The following GALNT13 variants were observed in gnomAD, a reference collection of about 807,000 sequenced individuals.
GALNT13 encodes the protein polypeptide N-acetylgalactosaminyltransferase 13, also known as UDP-GalNAc:polypeptide N-acetylgalactosaminyltransferase 13.
GALNT13 carries 28 observed loss-of-function variants against 64.2 expected under a neutral mutation model. The ratio of observed to expected loss-of-function variants is 0.44; its 90% confidence interval spans 0.32 to 0.60. GALNT13 has a LOEUF of 0.60. Among genes scored for constraint, GALNT13 ranks in the 20% least tolerant of loss-of-function variants. The pLI, the probability that GALNT13 is intolerant of heterozygous loss-of-function variation, is 0.05. For synonymous variants in GALNT13, 214 were observed against 224.6 expected (o/e 0.95, Z 0.42); for missense variants, 577 against 669.8 (o/e 0.86, Z 1.53).
chr2:153,555,852 A>G, the GALNT13 span, among the ~76,000 whole-genome samples: 2 of 152,236 alleles, frequency 1.3e-5, no homozygotes, highest in Non-Finnish European at 2.9e-5. Context: ...ATGACATTAC[A>G]GAAGATTATA....
chr2:153,481,502 C>T, the GALNT13 span, among the ~76,000 whole-genome samples: 1 of 152,098 alleles, frequency 6.6e-6, no homozygotes, highest in Non-Finnish European at 1.5e-5. Context: ...ATATGGTATG[C>T]AGGGAGCATA....
At chr2:153,154,393 T>A in the GALNT13 span, among the ~76,000 whole-genome samples, 3 of 152,114 alleles carry the variant, frequency 2.0e-5, no homozygotes, top group Non-Finnish European at 4.4e-5. Context: ...GTCCATTAAG[T>A]CTCTTTTTCT....
the GALNT13 span, among the ~76,000 whole-genome samples, chr2:153,387,197 G>A: frequency 6.6e-6 from 1 of 152,118 alleles, no homozygotes; most frequent in Admixed American, 6.6e-5. Context: ...GCAAAGTGAT[G>A]TGAAACTCTA....
intron 2 of GALNT13, among the ~76,000 whole-genome samples, chr2:153,927,183 G>A (rs1458983298): frequency 6.6e-6 from 1 of 151,878 alleles, no homozygotes; most frequent in South Asian, 2.1e-4. Flanking sequence ...TTCCAAAAAT[G>A]TTTTTACCAA....
intron 3 of GALNT13, among the ~76,000 whole-genome samples, chr2:154,115,490 A>T (rs1005553587): frequency 3.3e-5 from 5 of 151,888 alleles, no homozygotes; most frequent in African/African-American, 9.7e-5. Context: ...GCACAATCCC[A>T]GCTCACTGCA....
At chr2:153,995,350 T>A (rs1695451323) in intron 3 of GALNT13, among the ~76,000 whole-genome samples, 1 of 152,140 alleles carries the variant, frequency 6.6e-6, no homozygotes, top group Non-Finnish European at 1.5e-5. Context: ...CTACACTCAG[T>A]GCTGTGTTAT....
chr2:153,659,685 C>T, the GALNT13 span, among the ~76,000 whole-genome samples: 117 of 152,244 alleles, frequency 7.7e-4, 1 homozygote, highest in African/African-American at 2.6e-3. Flanking sequence ...CAGTTGCAAT[C>T]ACATGCAAAG....
At chr2:154,371,665 G>C (rs940205879) in intron 9 of GALNT13, among the ~76,000 whole-genome samples, 1 of 151,864 alleles carries the variant, frequency 6.6e-6, no homozygotes, top group African/African-American at 2.4e-5. Flanking sequence ...ACAAGGGTAG[G>C]CATTTTCGTT....
At chr2:153,237,467 A>G in the GALNT13 span, among the ~76,000 whole-genome samples, 1 of 151,920 alleles carries the variant, frequency 6.6e-6, no homozygotes, top group Non-Finnish European at 1.5e-5. Context: ...TGTACCCATT[A>G]GCCATCCCCA....
At chr2:154,454,107 T>C (rs913395038), downstream of GALNT13, among the ~76,000 whole-genome samples, 4 of 152,272 alleles carry the variant, frequency 2.6e-5, no homozygotes, top group Non-Finnish European at 5.9e-5. Context: ...TTTTCATGAT[T>C]TCTTAAGAAC....
chr2:153,398,481 C>G, the GALNT13 span, among the ~76,000 whole-genome samples: 1 of 151,708 alleles, frequency 6.6e-6, no homozygotes, highest in Non-Finnish European at 1.5e-5. Flanking sequence ...TGTTCTAGAT[C>G]CCTGAGGAAT....
the GALNT13 span, among the ~76,000 whole-genome samples, chr2:153,521,461 C>T: frequency 6.6e-6 from 1 of 152,316 alleles, no homozygotes; most frequent in East Asian, 1.9e-4. Flanking sequence ...CTTCCGTCTA[C>T]ACATGCACAG....
At chr2:153,832,144 G>T in the GALNT13 span, among the ~76,000 whole-genome samples, 13 of 152,194 alleles carry the variant, frequency 8.5e-5, no homozygotes, top group African/African-American at 3.1e-4. Flanking sequence ...AGTCTACCTG[G>T]TTCCATCAAT....
At chr2:154,263,098 G>GA (rs1382181855) in intron 8 of GALNT13, among the ~76,000 whole-genome samples, 1 of 151,996 alleles carries the variant, frequency 6.6e-6, no homozygotes, top group Non-Finnish European at 1.5e-5. Context: ...CAGAGCATGG[G>GA]AAAAAATAAA....
the GALNT13 span, among the ~76,000 whole-genome samples, chr2:153,483,675 C>G: frequency 1.3e-5 from 2 of 152,082 alleles, no homozygotes; most frequent in Admixed American, 1.3e-4. Context: ...CTTGGCCTCC[C>G]AAAGAGCTGG....
Position 154,052,788 on chromosome 2 carries a change from G to A in GALNT13, c.143-87549G>A, listed in dbSNP as rs556251546. Among the ~76,000 whole-genome samples, 34 of 149,292 alleles carry A rather than the reference G, an allele frequency of 2.3e-4. 1 individual carries two copies. Among genetic ancestry groups the A allele is most frequent in the African/African-American group, 8.4e-4 (34 of 40,398 alleles). ...GTCTCGCTGTCTTGCCCAGGCTGGAGTGCAGTGGCACGATCTTGGCTCACT... is the reference window on the plus strand; with the variant it reads ...GTCTCGCTGTCTTGCCCAGGCTGGAATGCAGTGGCACGATCTTGGCTCACT... On this transcript the variant is annotated intron_variant, in intron 3 of 12. Coordinates refer to ENST00000392825, the MANE Select transcript of GALNT13 (RefSeq NM_052917.4).
intron 3 of GALNT13, among the ~76,000 whole-genome samples, chr2:153,989,334 C>T (rs1260693371): frequency 6.6e-6 from 1 of 151,790 alleles, no homozygotes; most frequent in Non-Finnish European, 1.5e-5. Flanking sequence ...GAAAAGGCCA[C>T]ATCCTTTAAG....
the GALNT13 span, among the ~76,000 whole-genome samples, chr2:153,842,225 G>A: frequency 6.6e-6 from 1 of 152,068 alleles, no homozygotes; most frequent in African/African-American, 2.4e-5. Context: ...ACTGAAATGA[G>A]CCCAACATTC....
At chr2:154,089,985 T>C (rs1375236703) in intron 3 of GALNT13, among the ~76,000 whole-genome samples, 2 of 152,052 alleles carry the variant, frequency 1.3e-5, no homozygotes, top group Non-Finnish European at 2.9e-5. Context: ...GTGTCAGTAA[T>C]TGGGCCAGAT....
Sources: gnomAD v4.1 joint callset for allele counts (sites outside exome capture counted in the v4.1 genomes callset) on GRCh38, gnomAD v4.1.1 for gene constraint, MANE v1.5 for transcripts, NCBI Gene and HGNC (gene_info 2026-07-23, HGNC 2026-07-21) for gene names.